The following LPP variants were observed in gnomAD, a reference collection of about 807,000 sequenced individuals.
LPP encodes the protein lipoma-preferred partner.
A neutral mutation model predicts 60.4 loss-of-function variants in LPP; 38 were observed. That is an observed-to-expected ratio of 0.63 (90% CI 0.49 to 0.83). The LOEUF (loss-of-function observed/expected upper bound fraction) is 0.83. Ranked by LOEUF, LPP falls within the 40% of genes least tolerant of loss-of-function variation. The pLI is 0.00. For synonymous variants in LPP, 328 were observed against 290.8 expected, an observed-to-expected ratio of 1.13 and a Z score of -1.30; for missense variants, 902 against 783.6, an observed-to-expected ratio of 1.15 and a Z score of -1.80.
intron 6 of LPP, among the ~76,000 whole-genome samples, chr3:188,560,813 A>G (rs1271837354): frequency 6.6e-6 from 1 of 152,196 alleles, no homozygotes; most frequent in Admixed American, 6.5e-5. Context: ...AAGTCAGTGC[A>G]TTTACCTAAT....
chr3:188,416,921 A>T (rs890605053), intron 4 of LPP, among the ~76,000 whole-genome samples: 14 of 152,308 alleles, frequency 9.2e-5, no homozygotes, highest in African/African-American at 3.4e-4. Flanking sequence ...TATGGACATT[A>T]TAAAAATAAA....
intron 1 of LPP, among the ~76,000 whole-genome samples, chr3:188,203,400 A>T (rs867985274): frequency 3.1e-5 from 2 of 64,314 alleles, no homozygotes; most frequent in East Asian, 6.1e-4. Context: ...ATTAATATAT[A>T]TTTTTATAAA....
At chr3:188,608,267 CA>C (rs1400879114) in intron 6 of LPP, among the ~76,000 whole-genome samples, 3 of 152,166 alleles carry the variant, frequency 2.0e-5, no homozygotes, top group African/African-American at 7.2e-5. Flanking sequence ...CCAATTGTCA[CA>C]AAACTTTTCC....
chr3:188,620,632 CAT>C (rs1442144630), intron 7 of LPP, among the ~76,000 whole-genome samples: 1 of 152,124 alleles, frequency 6.6e-6, no homozygotes, highest in Non-Finnish European at 1.5e-5. Context: ...TTTGAGTAGA[CAT>C]ATGTTTTCAG....
intron 6 of LPP, among the ~76,000 whole-genome samples, chr3:188,600,328 G>A (rs1276869228): frequency 6.7e-6 from 1 of 149,900 alleles, no homozygotes; most frequent in African/African-American, 2.4e-5. Flanking sequence ...TAGACACTTA[G>A]CAAAATAGGA....
chr3:188,229,585 G>C (rs1232632684), intron 2 of LPP, among the ~76,000 whole-genome samples: 2 of 152,200 alleles, frequency 1.3e-5, no homozygotes, highest in Non-Finnish European at 2.9e-5. Context: ...AAAATTACAA[G>C]AGGATTTGTC....
At chr3:188,336,715 A>G (rs1761743066) in intron 2 of LPP, among the ~76,000 whole-genome samples, 2 of 152,128 alleles carry the variant, frequency 1.3e-5, no homozygotes, top group African/African-American at 4.8e-5. Flanking sequence ...GACACTAAGC[A>G]GGTAGACCAG....
At chr3:188,363,643 AAG>A (rs1770199426) in intron 3 of LPP, among the ~76,000 whole-genome samples, 2 of 152,170 alleles carry the variant, frequency 1.3e-5, no homozygotes, top group African/African-American at 4.8e-5. Flanking sequence ...GCAGTGGCTC[AAG>A]CCTGTAATCC....
At chr3:188,410,675 T>C (rs944705773) in intron 4 of LPP, among the ~76,000 whole-genome samples, 15 of 152,218 alleles carry the variant, frequency 9.9e-5, no homozygotes, top group African/African-American at 3.6e-4. Flanking sequence ...TTCCAAATGC[T>C]TTCTCTGTGT....
chr3:188,832,711 T>C (rs1360373720), intron 9 of LPP, among the ~76,000 whole-genome samples: 1 of 152,194 alleles, frequency 6.6e-6, no homozygotes, highest in Non-Finnish European at 1.5e-5. Flanking sequence ...TGCTTCACCA[T>C]CTTCAGTGGC....
chr3:188,716,461 T>C (rs1201692169), intron 8 of LPP, among the ~76,000 whole-genome samples: 2 of 152,218 alleles, frequency 1.3e-5, no homozygotes, highest in Non-Finnish European at 2.9e-5. Context: ...CTTTCTGCAC[T>C]AGTGGGACCA....
chr3:188,409,421 C>T (rs1784398809), intron 4 of LPP, among the ~76,000 whole-genome samples: 1 of 152,092 alleles, frequency 6.6e-6, no homozygotes, highest in Non-Finnish European at 1.5e-5. Flanking sequence ...AAGATGTATC[C>T]ATGTATTTGT....
intron 8 of LPP, among the ~76,000 whole-genome samples, chr3:188,746,860 T>C (rs1726389073): frequency 6.6e-6 from 1 of 152,204 alleles, no homozygotes; most frequent in Admixed American, 6.5e-5. Context: ...TTCTCATTTG[T>C]TTCATTTTGT....
intron 5 of LPP, among the ~76,000 whole-genome samples, chr3:188,512,412 C>T (rs1226346058): frequency 6.6e-6 from 1 of 151,884 alleles, no homozygotes; most frequent in Non-Finnish European, 1.5e-5. Context: ...ATTAGCCAGG[C>T]GTGTTGGCAC....
intron 2 of LPP, among the ~76,000 whole-genome samples, chr3:188,260,409 T>A (rs1446251419): frequency 6.6e-6 from 1 of 152,090 alleles, no homozygotes; most frequent in Non-Finnish European, 1.5e-5. Flanking sequence ...TGTCTTGTGC[T>A]TGGAGCTTGG....
chr3:188,383,962 G>T (rs1578496342), intron 3 of LPP, among the ~76,000 whole-genome samples: 1 of 152,294 alleles, frequency 6.6e-6, no homozygotes, highest in East Asian at 1.9e-4. Flanking sequence ...ACCACCAGCA[G>T]CAAATGTTCT....
At chr3:188,715,905 A>G (rs1287395099) in intron 8 of LPP, among the ~76,000 whole-genome samples, 2 of 152,216 alleles carry the variant, frequency 1.3e-5, no homozygotes, top group African/African-American at 2.4e-5. Context: ...GTTGTAATAC[A>G]TCTAAGGATG....
intron 3 of LPP, among the ~76,000 whole-genome samples, chr3:188,376,529 C>G (rs1265375127): frequency 6.6e-6 from 1 of 151,948 alleles, no homozygotes; most frequent in Non-Finnish European, 1.5e-5. Context: ...GATTGCAACC[C>G]CTGCCTTTTT....
At chr3:188,348,205 G>A (rs982265364) in intron 3 of LPP, among the ~76,000 whole-genome samples, 3 of 151,568 alleles carry the variant, frequency 2.0e-5, no homozygotes, top group Non-Finnish European at 4.4e-5. Flanking sequence ...GGAGTGCACC[G>A]GCATGACCTT....
Sources: gnomAD v4.1 joint callset for allele counts (sites outside exome capture counted in the v4.1 genomes callset) on GRCh38, gnomAD v4.1.1 for gene constraint, MANE v1.5 for transcripts, NCBI Gene and HGNC (gene_info 2026-07-23, HGNC 2026-07-21) for gene names.